SMAD1: variants seen among roughly 807,000 people sequenced by gnomAD.
The protein encoded by SMAD1 is MAD, mothers against decapentaplegic homolog 1.
In SMAD1, 6 loss-of-function variants were observed where a neutral mutation model predicts 41.6. The observed-to-expected ratio is 0.14, with a 90% CI of 0.08 to 0.28. SMAD1 has a LOEUF of 0.28. SMAD1 is among the 10% of genes least tolerant of loss of function. SMAD1 has a pLI of 1.00. For synonymous variants in SMAD1, 206 were observed against 203.2 expected, an observed-to-expected ratio of 1.01 and a Z score of -0.12; for missense variants, 379 against 582.6, an observed-to-expected ratio of 0.65 and a Z score of 3.60.
chr4:145,527,907 C>T (rs1328261164), intron 2 of SMAD1, among the ~76,000 whole-genome samples: 2 of 150,606 alleles, frequency 1.3e-5, no homozygotes, highest in African/African-American at 4.9e-5. Context: ...GTCACCCTGG[C>T]TGTAGTGCAG....
chr4:145,537,644 A>G (rs1731689779), intron 2 of SMAD1, among the ~76,000 whole-genome samples: 11 of 152,174 alleles, frequency 7.2e-5, no homozygotes. Flanking sequence ...TAGTTTATAT[A>G]TATAACAAGA....
Position 145,557,904 on chromosome 4 carries a change from A to G in SMAD1, c.1368A>G (p.Ser456=). The change falls in exon 7 of 7, where the codon TCA becomes TCG. Residue 456 remains serine, a synonymous_variant. Coordinates refer to ENST00000302085, the MANE Select transcript of SMAD1 (RefSeq NM_005900.3). The part of the protein sequence containing the change: ...WLDKVLTQMG[S]PHNPISSVS ...ATAAAGTTCTTACTCAAATGGGTTC[A>G]CCTCATAATCCTATTTCATCTGTAT... The G allele has an allele frequency of 1.2e-6, 2 of 1,611,610 alleles. No individual in the cohort carries two copies. Among genetic ancestry groups the G allele is most frequent in the Admixed American group, 1.7e-5 (1 of 59,970 alleles).
chr4:145,519,850 A>T (rs1167689165), intron 2 of SMAD1, among the ~76,000 whole-genome samples: 1 of 151,976 alleles, frequency 6.6e-6, no homozygotes, highest in African/African-American at 2.4e-5. Context: ...TCTACACTCT[A>T]CTTTTATGAG....
intron 5 of SMAD1, among the ~76,000 whole-genome samples, chr4:145,549,150 A>G (rs558910602): frequency 4.2e-4 from 64 of 152,300 alleles, no homozygotes; most frequent in African/African-American, 1.5e-3. Flanking sequence ...AGTTAAAGAG[A>G]TATGACACCT....
intron 5 of SMAD1, among the ~76,000 whole-genome samples, chr4:145,550,275 G>A (rs1009021206): frequency 2.0e-5 from 3 of 152,142 alleles, no homozygotes; most frequent in African/African-American, 7.2e-5. Context: ...TGCTTTGGGA[G>A]GCTAAGGCAG....
intron 2 of SMAD1, among the ~76,000 whole-genome samples, chr4:145,520,794 C>T (rs535769651): frequency 5.9e-5 from 9 of 152,192 alleles, no homozygotes; most frequent in African/African-American, 1.4e-4. Context: ...AGTAATATTA[C>T]GGACGGGAAT....
At chr4:145,556,586 A>G (rs558669574) in intron 6 of SMAD1, among the ~76,000 whole-genome samples, 1 of 151,998 alleles carries the variant, frequency 6.6e-6, no homozygotes, top group African/African-American at 2.4e-5. Context: ...CCTCCCAAGC[A>G]TGCTGGGATT....
Position 145,558,094 on chromosome 4 carries a change from A to C in SMAD1, c.*160A>C, listed in dbSNP as rs1262737576. On this transcript the variant is annotated 3_prime_UTR_variant, in exon 7 of 7. Transcript: ENST00000302085. Reference sequence around the variant, plus strand: ...GAAATTTAAACAAAAAAAAAAAAAAACACACACACCTTGGTAACATACTGT... The same window carrying C: ...GAAATTTAAACAAAAAAAAAAAAAACCACACACACCTTGGTAACATACTGT... 8.1e-6 allele frequency: 3 copies of C among 369,374 alleles called. No individual in the cohort carries two copies. Among genetic ancestry groups the C allele is most frequent in the African/African-American group, 4.5e-5 (2 of 44,646 alleles). 22.9% of individuals were successfully genotyped at this position (369,374 alleles called of 1,614,324 possible).
Position 145,482,647 on chromosome 4 carries a change from G to A in SMAD1, c.-177+609G>A, listed in dbSNP as rs1465424760. The A allele has an allele frequency of 2.6e-5, 4 of 152,190 alleles. No individual in the cohort carries two copies. The highest frequency in any genetic ancestry group is 9.6e-5 in the African/African-American group (4 of 41,458). 9.4% of individuals were successfully genotyped at this position (152,190 alleles called of 1,614,324 possible). ...CGGGTTTTCTTCTCGGCCCCAGCAAGCCTCTTTGGGGTCGAGGTCAAGGAA... is the reference window on the plus strand; with the variant it reads ...CGGGTTTTCTTCTCGGCCCCAGCAAACCTCTTTGGGGTCGAGGTCAAGGAA... On this transcript the variant is annotated intron_variant, in intron 1 of 6. Transcript: ENST00000302085. This position sits in a 1 kb window ranked among gnomAD's most constrained non-coding sequence, Gnocchi z 4.2.
intron 3 of SMAD1, among the ~76,000 whole-genome samples, 179 bp downstream of exon 3, chr4:145,540,240 A>G (rs1335808158): frequency 2.6e-5 from 4 of 152,256 alleles, no homozygotes; most frequent in Non-Finnish European, 5.9e-5. Context: ...TCAAGTAAGC[A>G]AATGTCTTAT....
At chr4:145,542,541 T>C (rs775134269) in intron 3 of SMAD1, 41 bp from the exon 4 acceptor site, 7 of 1,238,670 alleles carry the variant, frequency 5.7e-6, no homozygotes, top group Non-Finnish European at 8.1e-6. Context: ...GCATGTATGT[T>C]TACTAAGGGT....
At chr4:145,528,250 C>T (rs1731141436) in intron 2 of SMAD1, among the ~76,000 whole-genome samples, 1 of 151,844 alleles carries the variant, frequency 6.6e-6, no homozygotes, top group African/African-American at 2.4e-5. Context: ...ATTACAGGCG[C>T]CCGCCACTAC....
intron 4 of SMAD1, among the ~76,000 whole-genome samples, chr4:145,543,144 T>C (rs899136629): frequency 6.6e-6 from 1 of 152,138 alleles, no homozygotes; most frequent in African/African-American, 2.4e-5. Flanking sequence ...TTTTTGTATT[T>C]TTAGTAGAGA....
At chr4:145,509,152 G>C (rs1225677283) in intron 1 of SMAD1, among the ~76,000 whole-genome samples, 1 of 152,182 alleles carries the variant, frequency 6.6e-6, no homozygotes, top group African/African-American at 2.4e-5. Context: ...TATTTCTTCT[G>C]ACTGAGTCCC....
At chr4:145,490,935 A>G (rs1034398661) in intron 1 of SMAD1, among the ~76,000 whole-genome samples, 3 of 152,204 alleles carry the variant, frequency 2.0e-5, no homozygotes, top group African/African-American at 7.2e-5. Context: ...TCATTAAACC[A>G]ATATGTGCTT....
At chr4:145,523,897 T>C (rs1730890778) in intron 2 of SMAD1, among the ~76,000 whole-genome samples, 1 of 152,042 alleles carries the variant, frequency 6.6e-6, no homozygotes, top group Admixed American at 6.6e-5. Context: ...TTTTTGGCTT[T>C]TTGTTTTGGT....
chr4:145,545,187 T>C (rs550624232), intron 4 of SMAD1: 1 of 152,336 alleles, frequency 6.6e-6, no homozygotes, highest in East Asian at 1.9e-4. Context: ...CTGTATTCAT[T>C]CATTACATAT....
chr4:145,488,670 T>G (rs892043923), intron 1 of SMAD1, among the ~76,000 whole-genome samples: 1 of 152,178 alleles, frequency 6.6e-6, no homozygotes, highest in Non-Finnish European at 1.5e-5. Context: ...ATGCAAGATC[T>G]TTTGTTTGTT....
intron 2 of SMAD1, among the ~76,000 whole-genome samples, chr4:145,532,751 A>G (rs1184922733): frequency 6.6e-6 from 1 of 152,210 alleles, no homozygotes; most frequent in Admixed American, 6.5e-5. Flanking sequence ...TTTGTTTTCC[A>G]TAAAATAGGA....
Sources: gnomAD v4.1 joint callset for allele counts (sites outside exome capture counted in the v4.1 genomes callset) on GRCh38, gnomAD v4.1.1 for gene constraint, Gnocchi (gnomAD v3.1) non-coding constraint, MANE v1.5 for transcripts, NCBI Gene and HGNC (gene_info 2026-07-23, HGNC 2026-07-21) for gene names.